The following PDE4DIP variants were observed in gnomAD, a reference collection of about 807,000 sequenced individuals.
PDE4DIP encodes the protein phosphodiesterase 4D interacting protein, also known as myomegalin.
A neutral mutation model predicts 221.4 loss-of-function variants in PDE4DIP; 59 were observed. The ratio of observed to expected loss-of-function variants is 0.27; its 90% confidence interval spans 0.22 to 0.33. The LOEUF (loss-of-function observed/expected upper bound fraction) is 0.33, where lower values mean the gene tolerates loss of function less well. PDE4DIP is among the 10% of genes least tolerant of loss of function. PDE4DIP has a pLI of 1.00. For synonymous variants in PDE4DIP, 404 were observed against 815.9 expected, an observed-to-expected ratio of 0.50 and a Z score of 8.60; for missense variants, 1,036 against 2,154.2, an observed-to-expected ratio of 0.48 and a Z score of 10.28.
chr1:148,938,125 G>A (rs1553476661), intron 5 of PDE4DIP: 4 of 286,650 alleles, frequency 1.4e-5, no homozygotes, highest in Non-Finnish European at 2.7e-5. Flanking sequence ...GGCATACCTA[G>A]GGAAGGATCG....
intron 1 of PDE4DIP, among the ~76,000 whole-genome samples, chr1:148,821,963 T>C (rs1429159851): frequency 6.8e-6 from 1 of 147,266 alleles, no homozygotes; most frequent in Non-Finnish European, 1.5e-5. Flanking sequence ...ACCCTGCAGA[T>C]CCCGAAAACA....
In PDE4DIP at chr1:148,910,854, G is replaced by C. The variant is rs1402457058; in HGVS notation, c.142-18343G>C. On this transcript the variant is annotated intron_variant, in intron 1 of 43. Transcript: ENST00000369354. ...GAAGGTAAATTAGTTCAGTCACTGCGGAAAGCAGTTTGGTGATTTCTCAAA... is the reference window on the plus strand; with the variant it reads ...GAAGGTAAATTAGTTCAGTCACTGCCGAAAGCAGTTTGGTGATTTCTCAAA... Among the ~76,000 whole-genome samples, 2 of 104,904 alleles carry C rather than the reference G, an allele frequency of 1.9e-5. 1 individual carries two copies. Among genetic ancestry groups the C allele is most frequent in the Non-Finnish European group, 3.7e-5 (2 of 53,984 alleles). 68.8% of individuals were successfully genotyped at this position (104,904 alleles called of 152,430 possible).
intron 16 of PDE4DIP, among the ~76,000 whole-genome samples, chr1:148,973,355 C>T (rs1431861903): frequency 1.3e-5 from 2 of 149,834 alleles, no homozygotes; most frequent in African/African-American, 2.4e-5. Flanking sequence ...TGGTCTCAAT[C>T]TCCTGACCTC....
At chr1:149,010,063 C>G (rs1450324462) in intron 30 of PDE4DIP, among the ~76,000 whole-genome samples, 1 of 152,174 alleles carries the variant, frequency 6.6e-6, no homozygotes, top group African/African-American at 2.4e-5. Context: ...GACTCTTCTT[C>G]CTTGGTGACT....
At chr1:148,983,639 A>G (rs587650769) in intron 21 of PDE4DIP, 2 of 152,612 alleles carry the variant, frequency 1.3e-5, no homozygotes, top group South Asian at 4.1e-4. Flanking sequence ...TGGACACATC[A>G]TTTAATAATA....
chr1:148,887,762 C>CT (rs587766411), upstream of PDE4DIP, among the ~76,000 whole-genome samples: 3 of 4,250 alleles, frequency 7.1e-4, no homozygotes, highest in South Asian at 3.2e-3. Flanking sequence ...TTAACTTAGA[C>CT]TTTTTTCTTC....
At chr1:149,029,533 C>A (rs587643875) in intron 41 of PDE4DIP, among the ~76,000 whole-genome samples, 1 of 152,074 alleles carries the variant, frequency 6.6e-6, no homozygotes, top group Non-Finnish European at 1.5e-5. Context: ...CAGCCTGAGG[C>A]GAGGTTCTCT....
At chr1:149,029,531 G>C (rs80136785) in intron 41 of PDE4DIP, among the ~76,000 whole-genome samples, 1 of 152,144 alleles carries the variant, frequency 6.6e-6, no homozygotes, top group African/African-American at 2.4e-5. Flanking sequence ...ACCAGCCTGA[G>C]GCGAGGTTCT....
intron 34 of PDE4DIP, among the ~76,000 whole-genome samples, chr1:149,018,144 T>C (rs1265887925): frequency 3.3e-5 from 5 of 151,954 alleles, no homozygotes; most frequent in African/African-American, 4.8e-5. Context: ...GCCTTTGTTG[T>C]GTGATTGATA....
At chr1:149,009,695 T>G (rs781782846) in exon 30 of PDE4DIP, 1 of 1,614,136 alleles carries the variant, frequency 6.2e-7, no homozygotes, top group Non-Finnish European at 8.5e-7. Flanking sequence ...CAGCAGCACC[T>G]CTTTCCTGTC....
chr1:148,953,805 A>G, intron 5 of PDE4DIP: 1 of 1,459,628 alleles, frequency 6.9e-7, no homozygotes, highest in Middle Eastern at 1.8e-4. Context: ...AGGTCTTTGA[A>G]ACCCCTTTAC....
intron 1 of PDE4DIP, among the ~76,000 whole-genome samples, chr1:148,827,552 C>T (rs1553366166): frequency 2.3e-5 from 2 of 87,456 alleles, no homozygotes; most frequent in African/African-American, 7.0e-5. Flanking sequence ...CCATGCCCGG[C>T]CAAGGGTGTT....
At chr1:148,820,570 A>AAG (rs1668835665) in intron 1 of PDE4DIP, among the ~76,000 whole-genome samples, 3 of 139,862 alleles carry the variant, frequency 2.1e-5, no homozygotes, top group East Asian at 2.1e-4. Context: ...AAAAAAAAAA[A>AAG]AAAAAAAAAA....
At chr1:148,981,238 C>T (rs371077955) in intron 20 of PDE4DIP, 32 bp from the exon 24 acceptor site, 1 of 1,610,158 alleles carries the variant, frequency 6.2e-7, no homozygotes, top group Non-Finnish European at 8.5e-7. Context: ...GATGGCTAAT[C>T]CACTTTCCTT....
exon 44 of PDE4DIP, chr1:149,032,055 C>T (rs782244495): frequency 3.7e-6 from 6 of 1,610,374 alleles, no homozygotes; most frequent in South Asian, 2.2e-5. Context: ...GAAAGGTGGG[C>T]CTGTCCCCCT....
rs1778593 is a variant in PDE4DIP at position 148,898,270 on chromosome 1, G to A, written c.141+8376G>A. ...TAGTCATTTTTTTGCTCATATTTGCGCATATGCATTGGTATATTCAGTCAA... is the reference window on the plus strand; with the variant it reads ...TAGTCATTTTTTTGCTCATATTTGCACATATGCATTGGTATATTCAGTCAA... On this transcript the variant is annotated intron_variant, in intron 1 of 43. Coordinates refer to ENST00000369354, the Ensembl canonical transcript of PDE4DIP. Among the ~76,000 whole-genome samples, 13 of 102,028 alleles carry A rather than the reference G, an allele frequency of 1.3e-4. No individual in the cohort carries two copies. In the East Asian group the frequency reaches 1.6e-3, roughly 12 times the overall value. The allele number at this position is 102,028 out of a possible 152,430, so 66.9% of individuals were successfully genotyped here.
intron 1 of PDE4DIP, among the ~76,000 whole-genome samples, chr1:148,923,563 T>C (rs1573485849): frequency 1.4e-5 from 2 of 143,044 alleles, no homozygotes; most frequent in African/African-American, 5.6e-5. Context: ...AAGCTCCGCC[T>C]CCCGGGTTCA....
Position 149,020,351 on chromosome 1 carries a change from A to G in PDE4DIP, c.5960+15A>G, listed in dbSNP as rs781998328. ...AACGACTCCAGGTAAGAGGGGACCC[A>G]TTGACAGAGAAGGTAGCATTCTTCA... On this transcript the variant is annotated intron_variant, in intron 36 of 43. Transcript: ENST00000369354. 4.9e-6 allele frequency: 2 copies of G among 408,670 alleles called. No individual in the cohort carries two copies. Among genetic ancestry groups the G allele is most frequent in the Non-Finnish European group, 8.5e-6 (2 of 235,066 alleles). 25.3% of individuals were successfully genotyped at this position (408,670 alleles called of 1,614,324 possible). A position where few individuals can be genotyped will look rare whatever the true frequency, so the allele number is the denominator to read the frequency against.
intron 4 of PDE4DIP, among the ~76,000 whole-genome samples, chr1:148,936,534 C>G (rs1461771987): frequency 6.7e-6 from 1 of 150,350 alleles, no homozygotes; most frequent in Non-Finnish European, 1.5e-5. Flanking sequence ...AACAGTACAC[C>G]TGTTTAGGGC....
Sources: gnomAD v4.1 joint callset for allele counts (sites outside exome capture counted in the v4.1 genomes callset) on GRCh38, gnomAD v4.1.1 for gene constraint, MANE v1.5 for transcripts, NCBI Gene and HGNC (gene_info 2026-07-23, HGNC 2026-07-21) for gene names.